The following ENOX1 variants were observed in gnomAD, a reference collection of about 807,000 sequenced individuals.
ENOX1 encodes candidate growth-related and time keeping constitutive hydroquinone (NADH) oxidase.
Under a neutral mutation model 82.5 loss-of-function variants are expected in ENOX1, and 42 were observed. That is an observed-to-expected ratio of 0.51 (90% CI 0.40 to 0.66). The LOEUF is 0.66. ENOX1 is among the 30% of genes least tolerant of loss of function. The pLI, the probability that ENOX1 is intolerant of heterozygous loss-of-function variation, is 0.00. For synonymous variants in ENOX1, 271 were observed against 282.2 expected, an observed-to-expected ratio of 0.96 and a Z score of 0.40; for missense variants, 608 against 811.6, an observed-to-expected ratio of 0.75 and a Z score of 3.05.
intron 1 of ENOX1, among the ~76,000 whole-genome samples, chr13:43,696,734 T>C (rs575052354): frequency 6.6e-6 from 1 of 151,404 alleles, no homozygotes; most frequent in South Asian, 2.1e-4. Context: ...GCTTAAACTA[T>C]AACCAGGACA....
intron 3 of ENOX1, among the ~76,000 whole-genome samples, chr13:43,452,280 C>A (rs2057009503): frequency 6.6e-6 from 1 of 152,162 alleles, no homozygotes; most frequent in African/African-American, 2.4e-5. Context: ...CTGCCCCACA[C>A]CCCTTGACGG....
intron 1 of ENOX1, among the ~76,000 whole-genome samples, chr13:43,708,921 G>A (rs924158767): frequency 9.9e-5 from 15 of 152,110 alleles, no homozygotes; most frequent in East Asian, 3.9e-4. Flanking sequence ...AAAATGAAAC[G>A]GCAAGCCATA....
intron 2 of ENOX1, among the ~76,000 whole-genome samples, chr13:43,621,221 C>A (rs894663656): frequency 6.6e-6 from 1 of 152,108 alleles, no homozygotes; most frequent in African/African-American, 2.4e-5. Flanking sequence ...AGCATTTAGG[C>A]CATTTATATT....
chr13:43,353,135 C>T (rs965970066), intron 8 of ENOX1, among the ~76,000 whole-genome samples: 1 of 152,158 alleles, frequency 6.6e-6, no homozygotes, highest in African/African-American at 2.4e-5. Context: ...TTTCCATGTA[C>T]ATCTGGTCAT....
intron 15 of ENOX1, among the ~76,000 whole-genome samples, chr13:43,233,359 G>A (rs1406506639): frequency 6.6e-6 from 1 of 152,106 alleles, no homozygotes; most frequent in Non-Finnish European, 1.5e-5. Flanking sequence ...CCATCAGAAT[G>A]GTCGAACTCT....
intron 11 of ENOX1, among the ~76,000 whole-genome samples, chr13:43,302,249 C>A (rs956515514): frequency 3.3e-5 from 5 of 152,096 alleles, no homozygotes; most frequent in Non-Finnish European, 7.3e-5. Context: ...GAATTAGACA[C>A]CTTAAATGTC....
Position 43,385,895 on chromosome 13 carries a change from G to A in ENOX1, c.209-24443C>T, listed in dbSNP as rs539929352. On this transcript the variant is annotated intron_variant, in intron 5 of 16. Transcript: ENST00000690772. ...AAAACTTTCCTTGGGGCCGGGCACC[G>A]TGGCCCATACCTGTAATCCCAGCAC... is the stretch of plus-strand genomic sequence containing the variant. 5.9e-5 allele frequency among the ~76,000 whole-genome samples: 9 copies of A among 152,160 alleles called. No homozygotes were observed. The South Asian group carries it at 6.3e-4, about 11-fold the overall frequency.
intron 3 of ENOX1, among the ~76,000 whole-genome samples, chr13:43,440,716 T>C (rs765791307): frequency 5.9e-5 from 9 of 152,176 alleles, no homozygotes; most frequent in Non-Finnish European, 1.3e-4. Flanking sequence ...ATAATACAAA[T>C]CACTGAAGTA....
At chr13:43,244,451 G>C (rs2042983601) in intron 14 of ENOX1, among the ~76,000 whole-genome samples, 1 of 151,912 alleles carries the variant, frequency 6.6e-6, no homozygotes, top group Non-Finnish European at 1.5e-5. Context: ...AAATAACTGT[G>C]GTTGTATTCA....
chr13:43,419,047 G>A (rs1192902011), intron 3 of ENOX1, among the ~76,000 whole-genome samples: 5 of 151,992 alleles, frequency 3.3e-5, no homozygotes, highest in South Asian at 2.1e-4. Context: ...GTATGGTGGC[G>A]GGTGCCTGTA....
intron 1 of ENOX1, among the ~76,000 whole-genome samples, chr13:43,735,664 T>C (rs2089589277): frequency 6.6e-6 from 1 of 151,908 alleles, no homozygotes; most frequent in African/African-American, 2.4e-5. Context: ...GAGATTGCAG[T>C]GAGCTGAGAT....
At chr13:43,530,256 T>C (rs2153687635) in intron 2 of ENOX1, among the ~76,000 whole-genome samples, 1 of 152,224 alleles carries the variant, frequency 6.6e-6, no homozygotes, top group Non-Finnish European at 1.5e-5. Flanking sequence ...AGACAATGTA[T>C]TTACAGGATT....
At chr13:43,323,007 T>C (rs2047903152) in intron 10 of ENOX1, among the ~76,000 whole-genome samples, 1 of 152,216 alleles carries the variant, frequency 6.6e-6, no homozygotes, top group African/African-American at 2.4e-5. Flanking sequence ...GTTTTGAGGA[T>C]GAAATGAGTT....
rs538484445 is a variant in ENOX1 at position 43,285,767 on chromosome 13, G to A, written c.1446+12579C>T. Among the ~76,000 whole-genome samples the A allele has an allele frequency of 3.1e-5, 4 of 130,788 alleles. No individual in the cohort carries two copies. The South Asian group carries it at 7.1e-4, about 23-fold the overall frequency. The allele number at this position is 130,788 out of a possible 152,430, so 85.8% of individuals were successfully genotyped here. A position where few individuals can be genotyped will look rare whatever the true frequency, so the allele number is the denominator to read the frequency against. ...AGAGGCTGCACTGAGCCGAGATTGC[G>A]CCACTGCACTCCAGCCTGGGTGACA... On this transcript the variant is annotated intron_variant, in intron 12 of 16. Transcript: ENST00000690772.
chr13:43,685,144 A>G (rs2085999197), intron 1 of ENOX1, among the ~76,000 whole-genome samples: 1 of 152,178 alleles, frequency 6.6e-6, no homozygotes, highest in Non-Finnish European at 1.5e-5. Context: ...AGTCTGCCGC[A>G]GCTTTCAAGT....
intron 1 of ENOX1, among the ~76,000 whole-genome samples, chr13:43,685,572 G>T (rs1226651217): frequency 6.6e-6 from 1 of 152,034 alleles, no homozygotes; most frequent in African/African-American, 2.4e-5. Context: ...AATAGGTAAG[G>T]CCTGAACTCA....
At chr13:43,755,586 T>A (rs1423958217) in intron 1 of ENOX1, among the ~76,000 whole-genome samples, 1 of 152,184 alleles carries the variant, frequency 6.6e-6, no homozygotes, top group African/African-American at 2.4e-5. Context: ...CGGTATAAAA[T>A]TAGAAAGCCC....
At chr13:43,569,226 C>T (rs2080061676) in intron 2 of ENOX1, among the ~76,000 whole-genome samples, 1 of 152,138 alleles carries the variant, frequency 6.6e-6, no homozygotes, top group African/African-American at 2.4e-5. Flanking sequence ...ATCATGGTTG[C>T]TTTTTCCATC....
At chr13:43,300,536 A>G (rs1178380533) in intron 11 of ENOX1, among the ~76,000 whole-genome samples, 1 of 152,232 alleles carries the variant, frequency 6.6e-6, no homozygotes, top group East Asian at 1.9e-4. Flanking sequence ...GAGCATAAGC[A>G]AAAGCCCAGA....
Sources: allele counts gnomAD v4.1 joint callset (sites outside exome capture counted in the v4.1 genomes callset), GRCh38; gene constraint gnomAD v4.1.1; transcripts MANE v1.5; gene names NCBI Gene and HGNC (gene_info 2026-07-23, HGNC 2026-07-21).